MCCC2: variants seen among roughly 807,000 people sequenced by gnomAD.
MCCC2 encodes methylcrotonyl-CoA carboxylase subunit 2, also known as methylcrotonoyl-CoA carboxylase beta chain, mitochondrial.
MCCC2 carries 52 observed loss-of-function variants against 77.2 expected under a neutral mutation model. That is an observed-to-expected ratio of 0.67 (90% CI 0.54 to 0.85). The LOEUF is 0.85. Among genes scored for constraint, MCCC2 ranks in the 40% least tolerant of loss-of-function variants. The pLI, the probability that MCCC2 is intolerant of heterozygous loss-of-function variation, is 0.00. For synonymous variants in MCCC2, 253 were observed against 248.4 expected (o/e 1.02, Z -0.18); for missense variants, 682 against 703.2 (o/e 0.97, Z 0.34).
chr5:71,638,816 C>T (rs750138894), intron 10 of MCCC2, among the ~76,000 whole-genome samples: 2 of 152,120 alleles, frequency 1.3e-5, no homozygotes, highest in Non-Finnish European at 2.9e-5. Context: ...CCACCACGCC[C>T]GGCCCAGGAA....
At chr5:71,639,066 G>A (rs943038774) in intron 10 of MCCC2, among the ~76,000 whole-genome samples, 3 of 152,174 alleles carry the variant, frequency 2.0e-5, no homozygotes, top group South Asian at 2.1e-4. Context: ...CCACAAATAC[G>A]TATGCTGTCA....
chr5:71,638,250 TC>T (rs1414646867), intron 10 of MCCC2, among the ~76,000 whole-genome samples: 1 of 152,224 alleles, frequency 6.6e-6, no homozygotes, highest in Non-Finnish European at 1.5e-5. Flanking sequence ...AGACTCCACT[TC>T]TAACTCTAGT....
chr5:71,625,662 T>C (rs1235126126), intron 6 of MCCC2, among the ~76,000 whole-genome samples: 3 of 152,244 alleles, frequency 2.0e-5, no homozygotes, highest in African/African-American at 7.2e-5. Context: ...TAATCACTTC[T>C]GTAATATGTT....
Position 71,647,731 on chromosome 5 carries a change from A to G in MCCC2, c.1217-1366A>G, listed in dbSNP as rs1342681622. Reference sequence around the variant, plus strand: ...GGTAATTTTAAAGCTGTGGGAATAGATAAGAACCCCCCTGAGAGAAGAGAA... The same window carrying G: ...GGTAATTTTAAAGCTGTGGGAATAGGTAAGAACCCCCCTGAGAGAAGAGAA... On this transcript the variant is annotated intron_variant, in intron 13 of 16. Transcript: ENST00000340941. Among the ~76,000 whole-genome samples the G allele has an allele frequency of 3.3e-5, 5 of 152,308 alleles. No homozygotes were observed. In the East Asian group the frequency reaches 9.6e-4, roughly 29 times the overall value.
intron 13 of MCCC2, among the ~76,000 whole-genome samples, chr5:71,648,189 T>C (rs1747322579): frequency 6.6e-6 from 1 of 152,224 alleles, no homozygotes; most frequent in Non-Finnish European, 1.5e-5. Context: ...GATGACCAGA[T>C]ACTGGAGTTT....
At chr5:71,646,085 A>G in intron 12 of MCCC2, 126 bp from the exon 13 acceptor site, 1 of 752,298 alleles carries the variant, frequency 1.3e-6, no homozygotes, top group Non-Finnish European at 2.1e-6. Flanking sequence ...AATTAATAAG[A>G]AGAGAAAAAA....
chr5:71,632,099 A>T, intron 7 of MCCC2, 22 bp from the exon 8 acceptor site: 1 of 1,612,872 alleles, frequency 6.2e-7, no homozygotes, highest in Non-Finnish European at 8.5e-7. Context: ...GATTTCACTG[A>T]TGATTTTTAT....
intron 6 of MCCC2, among the ~76,000 whole-genome samples, chr5:71,622,286 C>T (rs6875074): frequency 0.025 from 3,822 of 150,708 alleles, 158 homozygotes; most frequent in African/African-American, 0.089. Flanking sequence ...AAAAACAAAA[C>T]AAAACTCAGG....
intron 7 of MCCC2, among the ~76,000 whole-genome samples, chr5:71,628,617 A>G (rs1746612429): frequency 6.6e-6 from 1 of 152,218 alleles, no homozygotes. Context: ...TTGTTCCAGC[A>G]TCATTAGTTG....
intron 11 of MCCC2, among the ~76,000 whole-genome samples, chr5:71,642,871 C>A (rs1435149312): frequency 6.6e-6 from 1 of 152,116 alleles, no homozygotes; most frequent in East Asian, 1.9e-4. Flanking sequence ...GTAGTGACTA[C>A]TGGGGCCTAT....
intron 8 of MCCC2, among the ~76,000 whole-genome samples, 172 bp from the exon 9 acceptor site, chr5:71,634,771 G>C (rs1746858664): frequency 1.3e-5 from 2 of 152,190 alleles, no homozygotes; most frequent in African/African-American, 4.8e-5. Context: ...AGTTTTGCCA[G>C]AGTTCTTAAA....
intron 8 of MCCC2, among the ~76,000 whole-genome samples, chr5:71,632,528 A>G (rs932491672): frequency 6.6e-6 from 1 of 152,178 alleles, no homozygotes; most frequent in Admixed American, 6.5e-5. Flanking sequence ...GAGGTGGGCA[A>G]TTGCAAGTAA....
rs756218448 is a variant in MCCC2, at chr5:71,643,847, AG to A, written c.1103del (p.Gly368ValfsTer70). 1.9e-6 allele frequency: 3 copies of A among 1,614,168 alleles called. No individual in the cohort carries two copies. In the East Asian group the frequency reaches 6.7e-5, roughly 36 times the overall value. On this transcript the variant is annotated frameshift_variant, in exon 12 of 17. Transcript: ENST00000340941. LOFTEE classifies it high-confidence loss of function. ...GFARIFGYPVGIVGNNGVLFS... is the reference protein window; with the variant it reads ...GFARIFGYPVXIVGNNGVLFS... ...TTGCTCGAATATTTGGGTACCCAGT[AG>A]GTATCGTTGGAAACAACGGAGTTCT...
In MCCC2 at chr5:71,604,434, A is replaced by G; in HGVS notation, c.590A>G (p.Asn197Ser). Residue 197 changes from asparagine to serine, a missense_variant, in exon 6 of 17, where the codon AAT becomes AGT. Transcript: ENST00000340941. ...GACCACTTTGGCCGTACATTCTATAATCAGGCAATTATGTCTTCTAAAAAT... is the reference window on the plus strand; with the variant it reads ...GACCACTTTGGCCGTACATTCTATAGTCAGGCAATTATGTCTTCTAAAAAT... ...DRDHFGRTFY[N>S]QAIMSSKNIA... is the part of the protein sequence containing the mutation. The G allele has an allele frequency of 6.2e-7, 1 of 1,614,172 alleles. No individual in the cohort carries two copies. Among genetic ancestry groups the G allele is most frequent in the South Asian group, 1.1e-5 (1 of 91,086 alleles).
chr5:71,623,265 G>A (rs945390407), intron 6 of MCCC2, among the ~76,000 whole-genome samples: 2 of 152,128 alleles, frequency 1.3e-5, no homozygotes, highest in South Asian at 2.1e-4. Context: ...TGATTATCTC[G>A]CAGTTTCTGT....
intron 6 of MCCC2, among the ~76,000 whole-genome samples, chr5:71,624,746 G>A (rs1746482398): frequency 6.9e-6 from 1 of 144,904 alleles, no homozygotes; most frequent in African/African-American, 2.6e-5. Flanking sequence ...CCAGGCTGGA[G>A]TGCAGTGGCG....
chr5:71,600,399 C>T lies in MCCC2; in HGVS notation c.383+639C>T, dbSNP rs114342893. The stretch of plus-strand genomic sequence containing the variant: ...CTAATCTCGAACTTCTGGGCTCAAA[C>T]GATGTTGAATATAGGCTAGCACATC... On this transcript the variant is annotated intron_variant, in intron 4 of 16. Transcript: ENST00000340941. Among the ~76,000 whole-genome samples, 1,500 of 151,722 alleles carry T rather than the reference C, an allele frequency of 9.9e-3. 28 individuals carry two copies. Among genetic ancestry groups the T allele is most frequent in the African/African-American group, 0.034 (1,402 of 41,346 alleles).
In MCCC2 at chr5:71,657,026, A is replaced by G. The variant is rs1472038965; in HGVS notation, c.*166A>G. 3 of 582,358 alleles carry G rather than the reference A, an allele frequency of 5.2e-6. No individual in the cohort carries two copies. Among genetic ancestry groups the G allele is most frequent in the Non-Finnish European group, 9.2e-6 (3 of 327,074 alleles). 36.1% of individuals were successfully genotyped at this position (582,358 alleles called of 1,614,324 possible). On this transcript the variant is annotated 3_prime_UTR_variant, in exon 17 of 17. Transcript: ENST00000340941. ...ATCAGTGAGGATATTTATTTAATGA[A>G]CATCAATTCCTTTTAAATTTTCTTA... is the stretch of plus-strand genomic sequence containing the variant.
At chr5:71,598,494 C>T (rs996659514) in intron 3 of MCCC2, among the ~76,000 whole-genome samples, 1 of 151,782 alleles carries the variant, frequency 6.6e-6, no homozygotes, top group Admixed American at 6.6e-5. Context: ...GGCTGGGGTG[C>T]AGTGGCATGA....
Sources: allele counts gnomAD v4.1 joint callset (sites outside exome capture counted in the v4.1 genomes callset), GRCh38; gene constraint gnomAD v4.1.1; transcripts MANE v1.5; gene names NCBI Gene and HGNC (gene_info 2026-07-23, HGNC 2026-07-21).